CHRDL1: variants seen among roughly 807,000 people sequenced by gnomAD.
CHRDL1 encodes the protein chordin-like protein 1.
Under a neutral mutation model 40.9 loss-of-function variants are expected in CHRDL1, and 19 were observed. The observed-to-expected ratio is 0.46, with a 90% CI of 0.32 to 0.68. The LOEUF (loss-of-function observed/expected upper bound fraction) is 0.68, where lower values mean the gene tolerates loss of function less well. Among genes scored for constraint, CHRDL1 ranks in the 30% least tolerant of loss-of-function variants. CHRDL1 has a pLI of 0.03. For missense variants in CHRDL1, 329 were observed against 352.1 expected, an observed-to-expected ratio of 0.93 and a Z score of 0.53; for synonymous variants, 136 against 123.4, an observed-to-expected ratio of 1.10 and a Z score of -0.68.
At chrX:110,756,204 C>T (rs977738633) in intron 4 of CHRDL1, among the ~76,000 whole-genome samples, 4 of 111,685 alleles carry the variant, frequency 3.6e-5, no homozygotes, top group South Asian at 3.7e-4. Flanking sequence ...ATAAATAAAA[C>T]GTGAAAACTG....
intron 4 of CHRDL1, among the ~76,000 whole-genome samples, chrX:110,759,387 T>C (rs2089517845): frequency 1.8e-5 from 2 of 112,644 alleles, no homozygotes; most frequent in South Asian, 3.7e-4. Context: ...AGAAAATCTC[T>C]GGGCCACAAT....
intron 2 of CHRDL1, among the ~76,000 whole-genome samples, chrX:110,788,052 G>A (rs192543549): frequency 1.8e-3 from 200 of 112,169 alleles, no homozygotes; most frequent in Middle Eastern, 4.6e-3. Context: ...AGAGTTTCCT[G>A]GCCTCATTGA....
At position 110,688,892 on chromosome X, in the gene CHRDL1, T is replaced by C. The variant is rs2070084238; in HGVS notation, c.779-89A>G. 5.3e-5 allele frequency: 35 copies of C among 659,469 alleles called. No individual in the cohort carries two copies. The South Asian group carries it at 9.0e-4, about 17-fold the overall frequency. The allele number at this position is 659,469 out of a possible 1,213,427, so 54.3% of individuals were successfully genotyped here. On this transcript the variant is annotated intron_variant, in intron 8 of 11. Transcript: ENST00000372042. ...AACCCAAGCCCTGAACTACTTAACA[T>C]ATCAAGCATCCTTTGTTCTTGTCAT...
At chrX:110,764,253 C>G (rs1464292947) in intron 2 of CHRDL1, among the ~76,000 whole-genome samples, 1 of 111,890 alleles carries the variant, frequency 8.9e-6, no homozygotes, top group Non-Finnish European at 1.9e-5. Context: ...AATTAGGTCA[C>G]AGCTATTTAT....
At chrX:110,746,043 C>T (rs1480797947) in intron 4 of CHRDL1, among the ~76,000 whole-genome samples, 1 of 111,873 alleles carries the variant, frequency 8.9e-6, no homozygotes, top group Admixed American at 9.5e-5. Flanking sequence ...CCAATGACAT[C>T]CTCCCATTAC....
rs1426210973 is a variant in CHRDL1 at position 110,689,506 on chromosome X, A to C, written c.779-703T>G. 3.2e-4 allele frequency among the ~76,000 whole-genome samples: 15 copies of C among 46,505 alleles called. 2 individuals carry two copies. The highest frequency in any genetic ancestry group is 1.8e-3 in the African/African-American group (7 of 3,998). The allele number at this position is 46,505 out of a possible 115,157, so 40.4% of individuals were successfully genotyped here. On this transcript the variant is annotated intron_variant, in intron 8 of 11. Transcript: ENST00000372042. Reference sequence around the variant, plus strand: ...TATCTATATCTCTATATATCTATATATCTATATCTCTATATATCTATCTAT... The same window carrying C: ...TATCTATATCTCTATATATCTATATCTCTATATCTCTATATATCTATCTAT...
chrX:110,731,447 T>C (rs1032558333), intron 4 of CHRDL1, among the ~76,000 whole-genome samples: 57 of 111,485 alleles, frequency 5.1e-4, no homozygotes, highest in African/African-American at 1.7e-3. Flanking sequence ...CTCAAAAAGT[T>C]GAGCATAGAG....
chrX:110,794,917 A>G (rs1404069687), intron 1 of CHRDL1, among the ~76,000 whole-genome samples: 1 of 112,210 alleles, frequency 8.9e-6, no homozygotes, highest in Non-Finnish European at 1.9e-5. Context: ...GCCCTTGTCC[A>G]TCAGCTGAAA....
At chrX:110,686,112 G>A (rs915607428) in intron 9 of CHRDL1, among the ~76,000 whole-genome samples, 1 of 109,817 alleles carries the variant, frequency 9.1e-6, no homozygotes, top group Admixed American at 9.8e-5. Context: ...GCCCAGGCTG[G>A]TCTCAAACTC....
At position 110,713,351 on chromosome X, in the gene CHRDL1, T is replaced by C. The variant is rs759490973; in HGVS notation, c.541+6484A>G. On this transcript the variant is annotated intron_variant, in intron 6 of 11. Transcript: ENST00000372042. ...GGTGCAGTGCCAGGCTCTTAGTGAT[T>C]GCTTAACAATGTTTGCTGAATGAAA... 4.4e-4 allele frequency among the ~76,000 whole-genome samples: 49 copies of C among 112,252 alleles called. No homozygotes were observed. In the South Asian group the frequency reaches 8.6e-3, roughly 20 times the overall value.
At chrX:110,780,004 T>G (rs2089915297) in intron 2 of CHRDL1, among the ~76,000 whole-genome samples, 1 of 111,609 alleles carries the variant, frequency 9.0e-6, no homozygotes. Flanking sequence ...AGAAAAGCAA[T>G]TGACTTTTAT....
chrX:110,714,378 G>A (rs1053007990), intron 6 of CHRDL1, among the ~76,000 whole-genome samples: 1 of 112,177 alleles, frequency 8.9e-6, no homozygotes, highest in Non-Finnish European at 1.9e-5. Context: ...TAAAGAAAAT[G>A]TGGTATATAT....
chrX:110,748,226 T>G (rs2089293170), intron 4 of CHRDL1, among the ~76,000 whole-genome samples: 1 of 112,096 alleles, frequency 8.9e-6, no homozygotes, highest in Non-Finnish European at 1.9e-5. Flanking sequence ...TAATAATCTT[T>G]CTAATAAAGC....
At chrX:110,691,134 G>A (rs761638499) in intron 8 of CHRDL1, among the ~76,000 whole-genome samples, 1 of 107,957 alleles carries the variant, frequency 9.3e-6, no homozygotes, top group South Asian at 4.2e-4. Context: ...GGATCACTTG[G>A]GCCCGGGAAG....
chrX:110,747,106 C>T (rs906097846), intron 4 of CHRDL1, among the ~76,000 whole-genome samples: 11 of 110,490 alleles, frequency 1.0e-4, no homozygotes, highest in African/African-American at 3.6e-4. Flanking sequence ...CAGGCATACT[C>T]CACAGGTCCA....
chrX:110,782,331 C>G (rs753267622), intron 2 of CHRDL1, among the ~76,000 whole-genome samples: 11 of 111,720 alleles, frequency 9.8e-5, no homozygotes, highest in Non-Finnish European at 1.7e-4. Context: ...GTAACTTGCC[C>G]AAGTTGACAT....
chrX:110,713,071 C>G (rs1201839773), intron 6 of CHRDL1, among the ~76,000 whole-genome samples: 1 of 111,020 alleles, frequency 9.0e-6, no homozygotes, highest in East Asian at 2.8e-4. Context: ...TTTCCTCACC[C>G]TGGAGTGCAG....
chrX:110,707,967 T>A (rs1339066656), intron 6 of CHRDL1, among the ~76,000 whole-genome samples: 2 of 110,485 alleles, frequency 1.8e-5, no homozygotes, highest in African/African-American at 6.6e-5. Flanking sequence ...ACCAACCCCA[T>A]CAAAAAGTGA....
intron 8 of CHRDL1, among the ~76,000 whole-genome samples, chrX:110,693,522 T>TG (rs1451048724): frequency 6.1e-5 from 5 of 81,423 alleles, no homozygotes; most frequent in Middle Eastern, 5.8e-3. Flanking sequence ...TGGCTAATAT[T>TG]TTTTCATTAA....
Sources: gnomAD v4.1 joint callset for allele counts (sites outside exome capture counted in the v4.1 genomes callset) on GRCh38, gnomAD v4.1.1 for gene constraint, MANE v1.5 for transcripts, NCBI Gene and HGNC (gene_info 2026-07-23, HGNC 2026-07-21) for gene names.